Variants in CDH22 observed in about 807,000 individuals in gnomAD.
The protein encoded by CDH22 is cadherin-22.
Under a neutral mutation model 58.4 loss-of-function variants are expected in CDH22, and 30 were observed. The observed-to-expected ratio is 0.51, with a 90% confidence interval of 0.38 to 0.70. CDH22 has a LOEUF of 0.70. CDH22 is among the 30% of genes least tolerant of loss of function. The pLI is 0.00. For missense variants in CDH22, 1,014 were observed against 1,233.9 expected, an observed-to-expected ratio of 0.82 and a Z score of 2.67; for synonymous variants, 513 against 558.2, an observed-to-expected ratio of 0.92 and a Z score of 1.14.
intron 4 of CDH22, among the ~76,000 whole-genome samples, chr20:46,225,580 T>C (rs1251560335): frequency 2.0e-5 from 3 of 152,226 alleles, no homozygotes; most frequent in African/African-American, 4.8e-5. Context: ...GCCTTGGGGA[T>C]ACAGACTAGG....
At chr20:46,281,405 T>A (rs905028158) in intron 1 of CDH22, among the ~76,000 whole-genome samples, 2 of 152,104 alleles carry the variant, frequency 1.3e-5, no homozygotes, top group Non-Finnish European at 2.9e-5. Context: ...TTCTTGGAGA[T>A]TGAAAGGAAA....
At chr20:46,226,459 C>G (rs1452970551) in intron 4 of CDH22, among the ~76,000 whole-genome samples, 1 of 151,580 alleles carries the variant, frequency 6.6e-6, no homozygotes, top group Non-Finnish European at 1.5e-5. Context: ...CTAATTTTTT[C>G]TTTTGTAGAG....
intron 1 of CDH22, among the ~76,000 whole-genome samples, chr20:46,287,723 C>A (rs542975548): frequency 1.3e-5 from 2 of 152,046 alleles, no homozygotes; most frequent in African/African-American, 4.8e-5. Flanking sequence ...CTATTGAAAG[C>A]TTCCGAAGCA....
At chr20:46,307,417 C>G (rs1379378213) in intron 1 of CDH22, among the ~76,000 whole-genome samples, 2 of 152,202 alleles carry the variant, frequency 1.3e-5, no homozygotes, top group Non-Finnish European at 2.9e-5. Flanking sequence ...CCACTCTTCA[C>G]AGTAAACGCC....
intron 8 of CDH22, among the ~76,000 whole-genome samples, chr20:46,190,221 C>T (rs887239007): frequency 2.0e-5 from 3 of 152,358 alleles, no homozygotes; most frequent in Non-Finnish European, 4.4e-5. Flanking sequence ...ATTATGACCT[C>T]GTGTCATCCT....
chr20:46,230,979 G>A (rs1244477159), intron 3 of CDH22, among the ~76,000 whole-genome samples: 2 of 152,294 alleles, frequency 1.3e-5, no homozygotes, highest in South Asian at 2.1e-4. Flanking sequence ...TGGAGTAGAA[G>A]TAGATAGGTG....
chr20:46,223,629 T>TTTTC (rs74176856), intron 4 of CDH22, among the ~76,000 whole-genome samples: 31 of 145,432 alleles, frequency 2.1e-4, no homozygotes, highest in East Asian at 5.8e-4. Context: ...TTTCTTTCTT[T>TTTTC]TTTCTTTCTT....
intron 1 of CDH22, among the ~76,000 whole-genome samples, chr20:46,295,174 G>A (rs561005032): frequency 5.9e-5 from 9 of 152,344 alleles, no homozygotes; most frequent in Admixed American, 3.9e-4. Flanking sequence ...TGCAGAGGCC[G>A]CCTCTCCATG....
At position 46,210,935 on chromosome 20, in the gene CDH22, G is replaced by A. The variant is rs2086038985; in HGVS notation, c.1033-375C>T. ...ACTCAACTTGACATCAACCCTAAGA[G>A]GCTTGTATTCTTATGATCTGATCTT... On this transcript the variant is annotated intron_variant, in intron 6 of 11. Coordinates refer to ENST00000537909, the MANE Select transcript of CDH22 (RefSeq NM_021248.3). This position sits in a 1 kb window ranked among gnomAD's most constrained non-coding sequence, Gnocchi z 4.5. 6.6e-6 allele frequency among the ~76,000 whole-genome samples: 1 copy of A among 152,200 alleles called. No individual in the cohort carries two copies. The highest frequency in any genetic ancestry group is 2.4e-5 in the African/African-American group (1 of 41,446).
chr20:46,258,296 C>T (rs914126013), intron 1 of CDH22, among the ~76,000 whole-genome samples: 14 of 152,028 alleles, frequency 9.2e-5, no homozygotes, highest in Admixed American at 5.2e-4. Context: ...GTTGCCCCCA[C>T]CCCCCAACCG....
At chr20:46,217,293 C>T (rs1419499635) in intron 4 of CDH22, among the ~76,000 whole-genome samples, 2 of 152,112 alleles carry the variant, frequency 1.3e-5, no homozygotes, top group African/African-American at 2.4e-5. Flanking sequence ...GATGCAGATA[C>T]TCACACATAC....
chr20:46,194,707 T>G (rs1600690297), intron 8 of CDH22, among the ~76,000 whole-genome samples: 1 of 152,230 alleles, frequency 6.6e-6, no homozygotes, highest in Non-Finnish European at 1.5e-5. Flanking sequence ...TATTGTAAGC[T>G]TTAAGTAAAT....
intron 1 of CDH22, among the ~76,000 whole-genome samples, chr20:46,292,689 A>G (rs2086609744): frequency 6.6e-6 from 1 of 152,152 alleles, no homozygotes; most frequent in Admixed American, 6.5e-5. Flanking sequence ...CACTCCAGTC[A>G]CACAGAACTT....
At chr20:46,305,554 T>C (rs913733876) in intron 1 of CDH22, among the ~76,000 whole-genome samples, 4 of 152,172 alleles carry the variant, frequency 2.6e-5, no homozygotes, top group African/African-American at 7.2e-5. Context: ...GACACCACCG[T>C]AGGGTCTTCT....
At chr20:46,261,986 CAT>C (rs2086435293) in intron 1 of CDH22, among the ~76,000 whole-genome samples, 4 of 152,072 alleles carry the variant, frequency 2.6e-5, no homozygotes, top group Non-Finnish European at 5.9e-5. Flanking sequence ...CACATGCATG[CAT>C]GTGCATCACT....
At position 46,174,886 on chromosome 20, in the gene CDH22, C is replaced by G. The variant is rs2085726786; in HGVS notation, c.2107G>C (p.Gly703Arg). 3 of 1,407,868 alleles carry G rather than the reference C, an allele frequency of 2.1e-6. No individual in the cohort carries two copies. The African/African-American group carries it at 4.4e-5, about 20-fold the overall frequency. 87.2% of individuals were successfully genotyped at this position (1,407,868 alleles called of 1,614,324 possible). ...DFGELKGGDG[G>R]GSAGGGAGGG... ...CCCGCTCCCCCGCCCGCGCTGCCGCCCCCGTCGCCGCCCTTGAGCTCGCCG... is the reference window on the plus strand; with the variant it reads ...CCCGCTCCCCCGCCCGCGCTGCCGCGCCCGTCGCCGCCCTTGAGCTCGCCG... The change falls in exon 12 of 12, where the codon GGC becomes CGC. Residue 703 changes from glycine (G) to arginine (R), a missense_variant. Gly to Arg is a moderately radical substitution (Grantham distance 125). Coordinates refer to ENST00000537909, the MANE Select transcript of CDH22 (RefSeq NM_021248.3). This position sits in a 1 kb window ranked among gnomAD's most constrained non-coding sequence, Gnocchi z 4.4.
chr20:46,210,789 C>A lies in CDH22; in HGVS notation c.1033-229G>T, dbSNP rs1568659793. On this transcript the variant is annotated intron_variant, in intron 6 of 11. Coordinates refer to ENST00000537909, the MANE Select transcript of CDH22 (RefSeq NM_021248.3). The surrounding 1 kb of genome is among the most constrained non-coding windows in gnomAD (Gnocchi z 4.5). ...AGTCTTGCCTAAGGACACAGCCACTCCAGGCTAACGCGCTGAGCACCCAAA... is the reference window on the plus strand; with the variant it reads ...AGTCTTGCCTAAGGACACAGCCACTACAGGCTAACGCGCTGAGCACCCAAA... 6.6e-6 allele frequency among the ~76,000 whole-genome samples: 1 copy of A among 152,198 alleles called. No individual in the cohort carries two copies. Among genetic ancestry groups the A allele is most frequent in the Non-Finnish European group, 1.5e-5 (1 of 68,034 alleles).
rs1600731160 is a variant in CDH22, at chr20:46,300,520, A to C, written c.-400+7735T>G. Among the ~76,000 whole-genome samples the C allele has an allele frequency of 6.6e-6, 1 of 152,064 alleles. No individual in the cohort carries two copies. Among genetic ancestry groups the C allele is most frequent in the East Asian group, 1.9e-4 (1 of 5,180 alleles). On this transcript the variant is annotated intron_variant, in intron 1 of 11. Coordinates refer to ENST00000537909, the MANE Select transcript of CDH22 (RefSeq NM_021248.3). This position sits in a 1 kb window ranked among gnomAD's most constrained non-coding sequence, Gnocchi z 4.4. ...TGCGTGCGCGTGCACACACACATAC[A>C]CACACACTCCACCTCCCCAGCTCCC...
intron 1 of CDH22, among the ~76,000 whole-genome samples, chr20:46,295,407 C>T (rs1476120326): frequency 6.6e-6 from 1 of 152,208 alleles, no homozygotes; most frequent in Admixed American, 6.5e-5. Context: ...TCCCTCATCA[C>T]ATTTACTTTT....
Sources: allele counts gnomAD v4.1 joint callset (sites outside exome capture counted in the v4.1 genomes callset), GRCh38; gene constraint gnomAD v4.1.1; non-coding constraint Gnocchi (gnomAD v3.1); transcripts MANE v1.5; gene names NCBI Gene and HGNC (gene_info 2026-07-23, HGNC 2026-07-21).